Variants in PBX3 observed in about 807,000 individuals in gnomAD.
PBX3 encodes pre-B-cell leukemia transcription factor 3.
Under a neutral mutation model 48.5 loss-of-function variants are expected in PBX3, and 14 were observed. The observed-to-expected ratio is 0.29, with a 90% CI of 0.19 to 0.45. The LOEUF (loss-of-function observed/expected upper bound fraction) is 0.45, where lower values mean the gene tolerates loss of function less well. PBX3 is among the 20% of genes least tolerant of loss of function. PBX3 has a pLI of 1.00. For missense variants in PBX3, 386 were observed against 546.7 expected (o/e 0.71, Z 2.93); for synonymous variants, 210 against 200.3 (o/e 1.05, Z -0.41).
rs570112609 is a variant in PBX3, at chr9:125,869,343, G to T, written c.275-46343G>T. 9.4e-4 allele frequency among the ~76,000 whole-genome samples: 143 copies of T among 152,258 alleles called. 1 individual carries two copies. Among genetic ancestry groups the T allele is most frequent in the Non-Finnish European group, 1.4e-3 (96 of 68,018 alleles). Reference sequence around the variant, plus strand: ...AATAAAGAATTAAAAAATTGGAGAAGAAGCAATATTCAAGTAGATATTTAG... The same window carrying T: ...AATAAAGAATTAAAAAATTGGAGAATAAGCAATATTCAAGTAGATATTTAG... On this transcript the variant is annotated intron_variant, in intron 2 of 8. Transcript: ENST00000373489.
intron 4 of PBX3, among the ~76,000 whole-genome samples, chr9:125,931,256 G>A (rs74696481): frequency 2.0e-5 from 3 of 152,122 alleles, no homozygotes; most frequent in Admixed American, 1.3e-4. Context: ...ATTATTAATA[G>A]CATTTTAACA....
chr9:125,814,789 T>C (rs1721656742), intron 2 of PBX3, among the ~76,000 whole-genome samples: 1 of 152,190 alleles, frequency 6.6e-6, no homozygotes, highest in Admixed American at 6.5e-5. Context: ...TGAAGAGTGT[T>C]TTAAATTAAA....
intron 2 of PBX3, among the ~76,000 whole-genome samples, chr9:125,786,712 G>A (rs1837465556): frequency 6.6e-6 from 1 of 151,824 alleles, no homozygotes; most frequent in African/African-American, 2.4e-5. Flanking sequence ...GTGAGAGATA[G>A]GTAAGTATGT....
rs555631820 is a variant in PBX3, at chr9:125,903,848, C to T, written c.275-11838C>T. ...AGAGGTGGTAAAGAGTTAGTTCAGACTGTAAAGCCAGACTGTCCTGCATCC... is the reference window on the plus strand; with the variant it reads ...AGAGGTGGTAAAGAGTTAGTTCAGATTGTAAAGCCAGACTGTCCTGCATCC... On this transcript the variant is annotated intron_variant, in intron 2 of 8. Coordinates refer to ENST00000373489, the MANE Select transcript of PBX3 (RefSeq NM_006195.6). Among the ~76,000 whole-genome samples the T allele has an allele frequency of 1.3e-4, 20 of 152,032 alleles. No homozygotes were observed. The South Asian group carries it at 4.1e-3, about 32-fold the overall frequency.
intron 5 of PBX3, among the ~76,000 whole-genome samples, chr9:125,951,317 T>G (rs1401724562): frequency 6.6e-6 from 1 of 152,160 alleles, no homozygotes; most frequent in Non-Finnish European, 1.5e-5. Context: ...AGCAGGAGTG[T>G]GGCAGACAGG....
chr9:125,911,327 TTTC>T lies in PBX3; in HGVS notation c.275-4352_275-4350del, dbSNP rs565885192. ...AAGTAGCAACACGTCTGTCTTAATCTTTCTTCTTCATCTATAGTTTGGGTTACA... is the reference window on the plus strand; with the variant it reads ...AAGTAGCAACACGTCTGTCTTAATCTTTCTTCATCTATAGTTTGGGTTACA... On this transcript the variant is annotated intron_variant, in intron 2 of 8. Transcript: ENST00000373489. Among the ~76,000 whole-genome samples, 6 of 152,268 alleles carry T rather than the reference TTTC, an allele frequency of 3.9e-5. No individual in the cohort carries two copies. The South Asian group carries it at 1.2e-3, about 32-fold the overall frequency.
intron 2 of PBX3, among the ~76,000 whole-genome samples, chr9:125,809,393 T>A (rs192964168): frequency 2.8e-4 from 43 of 152,252 alleles, no homozygotes; most frequent in African/African-American, 1.0e-3. Context: ...AACATTTGAT[T>A]AGTTATTGTA....
intron 2 of PBX3, among the ~76,000 whole-genome samples, chr9:125,803,421 A>G (rs1332826000): frequency 2.0e-5 from 3 of 147,188 alleles, no homozygotes; most frequent in Non-Finnish European, 4.6e-5. Context: ...AAGTAAAAGT[A>G]AAAAAAAAAA....
chr9:125,907,691 G>A (rs1841107410), intron 2 of PBX3, among the ~76,000 whole-genome samples: 1 of 152,032 alleles, frequency 6.6e-6, no homozygotes. Context: ...CCAAAGCCAT[G>A]TTCTCCAGTA....
intron 2 of PBX3, among the ~76,000 whole-genome samples, chr9:125,912,351 G>A (rs988982765): frequency 1.3e-5 from 2 of 152,110 alleles, no homozygotes; most frequent in African/African-American, 2.4e-5. Flanking sequence ...ATTGTGAAGG[G>A]TATGCGTTTA....
intron 2 of PBX3, among the ~76,000 whole-genome samples, chr9:125,757,672 T>G (rs540579129): frequency 9.2e-5 from 14 of 152,308 alleles, no homozygotes; most frequent in South Asian, 6.2e-4. Context: ...CATGGATGTA[T>G]TTATTACCAT....
chr9:125,763,561 G>T (rs1259948601), intron 2 of PBX3, among the ~76,000 whole-genome samples: 1 of 152,142 alleles, frequency 6.6e-6, no homozygotes, highest in African/African-American at 2.4e-5. Context: ...AGGGATAAAG[G>T]CCTCTAACAC....
chr9:125,938,736 A>G (rs1841893059), intron 5 of PBX3, among the ~76,000 whole-genome samples: 1 of 152,228 alleles, frequency 6.6e-6, no homozygotes, highest in Non-Finnish European at 1.5e-5. Flanking sequence ...CTAAAGAGAT[A>G]GGACAAGTAA....
At chr9:125,757,048 A>G (rs937432886) in intron 2 of PBX3, among the ~76,000 whole-genome samples, 1 of 152,186 alleles carries the variant, frequency 6.6e-6, no homozygotes, top group African/African-American at 2.4e-5. Context: ...TTTCAGATGT[A>G]CTAAGCCCTG....
intron 2 of PBX3, among the ~76,000 whole-genome samples, chr9:125,888,235 GT>G (rs1383214325): frequency 2.0e-5 from 3 of 152,098 alleles, no homozygotes; most frequent in Non-Finnish European, 4.4e-5. Flanking sequence ...GCTGCTTCCT[GT>G]CTAAAGTAAA....
chr9:125,809,937 A>C (rs1838238515), intron 2 of PBX3, among the ~76,000 whole-genome samples: 1 of 152,234 alleles, frequency 6.6e-6, no homozygotes, highest in Admixed American at 6.5e-5. Context: ...TAAATAATAC[A>C]GTAAGTTCTG....
Position 125,834,623 on chromosome 9 carries a change from C to T in PBX3, c.275-81063C>T, listed in dbSNP as rs529372788. Among the ~76,000 whole-genome samples the T allele has an allele frequency of 1.3e-3, 202 of 151,606 alleles. 2 individuals are homozygous for T. The highest frequency in any genetic ancestry group is 6.8e-3 in the Middle Eastern group (2 of 294). ...AAGTTGACTAAGCCGGTCTTGAACT[C>T]CTGACCTCAGGTGATCCGCCCACCT... On this transcript the variant is annotated intron_variant, in intron 2 of 8. Transcript: ENST00000373489.
chr9:125,820,310 C>G (rs775828564), intron 2 of PBX3, among the ~76,000 whole-genome samples: 2 of 152,140 alleles, frequency 1.3e-5, no homozygotes, highest in African/African-American at 2.4e-5. Context: ...CACTTGATAC[C>G]GAGATTAAGG....
intron 5 of PBX3, among the ~76,000 whole-genome samples, chr9:125,942,614 A>G (rs1295546745): frequency 6.6e-6 from 1 of 152,238 alleles, no homozygotes. Flanking sequence ...TTGCTTTGGC[A>G]GTAGACAGAA....
Sources: allele counts gnomAD v4.1 joint callset (sites outside exome capture counted in the v4.1 genomes callset), GRCh38; gene constraint gnomAD v4.1.1; transcripts MANE v1.5; gene names NCBI Gene and HGNC (gene_info 2026-07-23, HGNC 2026-07-21).